The following MAPK8IP3 variants were observed in gnomAD, a reference collection of about 807,000 sequenced individuals.
MAPK8IP3 encodes the protein mitogen-activated protein kinase 8 interacting protein 3.
Under a neutral mutation model 157.8 loss-of-function variants are expected in MAPK8IP3, and 49 were observed. The ratio of observed to expected loss-of-function variants is 0.31; its 90% confidence interval spans 0.25 to 0.39. MAPK8IP3 has a LOEUF of 0.39. Among genes scored for constraint, MAPK8IP3 ranks in the 10% least tolerant of loss-of-function variants. MAPK8IP3 has a pLI of 1.00. For missense variants in MAPK8IP3, 1,478 were observed against 1,889.4 expected, an observed-to-expected ratio of 0.78 and a Z score of 4.04; for synonymous variants, 897 against 777.7, an observed-to-expected ratio of 1.15 and a Z score of -2.55.
intron 8 of MAPK8IP3, among the ~76,000 whole-genome samples, chr16:1,752,734 G>A (rs2041363545): frequency 6.7e-6 from 1 of 148,642 alleles, no homozygotes; most frequent in African/African-American, 2.5e-5. Context: ...GGGTGACAGA[G>A]TGAGGCCCTG....
At chr16:1,729,031 G>T (rs2039107488) in intron 2 of MAPK8IP3, 107 bp from the exon 3 acceptor site, 5 of 1,085,766 alleles carry the variant, frequency 4.6e-6, no homozygotes, top group Non-Finnish European at 7.0e-6. Context: ...TCAGGACCCA[G>T]AGTCCCAGCC....
At chr16:1,721,543 G>A (rs1387842016) in intron 1 of MAPK8IP3, among the ~76,000 whole-genome samples, 1 of 152,048 alleles carries the variant, frequency 6.6e-6, no homozygotes, top group East Asian at 1.9e-4. Context: ...CTGCAGCACC[G>A]ACCTCCTGGG....
At chr16:1,767,501 T>C (rs1443821806) in intron 26 of MAPK8IP3, 63 bp from the exon 27 acceptor site, 5 of 1,557,614 alleles carry the variant, frequency 3.2e-6, no homozygotes, top group Non-Finnish European at 3.5e-6. Context: ...CTGTGGCAGG[T>C]TTGGGGCTCC....
Position 1,769,271 on chromosome 16 carries a change from TCACTCTGCCTAGGGGAGCTGGGCCAGG to T in MAPK8IP3, c.*452_*478del. The T allele has an allele frequency of 5.0e-6, 1 of 201,364 alleles. No homozygotes were observed. The highest frequency in any genetic ancestry group is 1.0e-5 in the Non-Finnish European group (1 of 97,052). The allele number at this position is 201,364 out of a possible 1,614,324, so 12.5% of individuals were successfully genotyped here. A position where few individuals can be genotyped will look rare whatever the true frequency, so the allele number is the denominator to read the frequency against. On this transcript the variant is annotated 3_prime_UTR_variant, in exon 32 of 32. Coordinates refer to ENST00000610761, the MANE Select transcript of MAPK8IP3 (RefSeq NM_001318852.2). ...TGGGGCCACCCTGCCTCCTGGGCCC[TCACTCTGCCTAGGGGAGCTGGGCCAGG>T]CACTAGCCTTTGCCCAGGGAGGTGG...
chr16:1,727,047 T>G (rs2038927039), intron 2 of MAPK8IP3, among the ~76,000 whole-genome samples: 9 of 150,510 alleles, frequency 6.0e-5, no homozygotes, highest in Admixed American at 6.0e-4. Context: ...TCATGTGCTG[T>G]GTGCTGTGTA....
rs879309112 is a variant in MAPK8IP3 at position 1,748,620 on chromosome 16, G to A, written c.1116G>A (p.Val372=). The change falls in exon 8 of 32, where the codon GTG becomes GTA. Residue 372 remains valine (V), a synonymous_variant. Transcript: ENST00000610761. The part of the protein sequence containing the change: ...RTGSSPTQGI[V]NKAFGINTDS... ...CCAACAGCCCAACCCAGGGCATCGT[G>A]AACAAAGCTTTCGGCATCAACACCG... The A allele has an allele frequency of 1.2e-6, 2 of 1,613,972 alleles. No individual in the cohort carries two copies. Among genetic ancestry groups the A allele is most frequent in the Non-Finnish European group, 1.7e-6 (2 of 1,180,010 alleles).
chr16:1,742,873 A>C lies in MAPK8IP3; in HGVS notation c.603-459A>C, dbSNP rs2040761194. Among the ~76,000 whole-genome samples, 1 of 152,146 alleles carries C rather than the reference A, an allele frequency of 6.6e-6. No homozygotes were observed. The highest frequency in any genetic ancestry group is 1.5e-5 in the Non-Finnish European group (1 of 68,030). On this transcript the variant is annotated intron_variant, in intron 4 of 31. Transcript: ENST00000610761. This position sits in a 1 kb window ranked among gnomAD's most constrained non-coding sequence, Gnocchi z 5.0. ...CGCGGTGGCTCACGCCTGTAATCCC[A>C]GCACTGTGGGAGGCCGAGGCAGGCG...
At position 1,768,980 on chromosome 16, in the gene MAPK8IP3, T is replaced by A; in HGVS notation, c.*156T>A. On this transcript the variant is annotated 3_prime_UTR_variant, in exon 32 of 32. Coordinates refer to ENST00000610761, the MANE Select transcript of MAPK8IP3 (RefSeq NM_001318852.2). ...TCTGGCCCCTCCAGCGGGCAGGGAG[T>A]GCGGGGATGCGGATCAGCTGGGAGG... 2 of 799,776 alleles carry A rather than the reference T, an allele frequency of 2.5e-6. No homozygotes were observed. Among genetic ancestry groups the A allele is most frequent in the African/African-American group, 1.7e-5 (1 of 57,848 alleles). The allele number at this position is 799,776 out of a possible 1,614,324, so 49.5% of individuals were successfully genotyped here.
intron 8 of MAPK8IP3, among the ~76,000 whole-genome samples, chr16:1,753,441 A>AT (rs778556396): frequency 0.015 from 2,125 of 141,660 alleles, 19 homozygotes; most frequent in South Asian, 0.032. Flanking sequence ...TTATTTATTT[A>AT]TTTATTTATT....
At chr16:1,738,782 A>T (rs1438743649) in intron 4 of MAPK8IP3, among the ~76,000 whole-genome samples, 1 of 101,496 alleles carries the variant, frequency 9.9e-6, no homozygotes, top group African/African-American at 3.8e-5. Flanking sequence ...TGAGCGTGTG[A>T]GCGTCCGTGT....
intron 8 of MAPK8IP3, among the ~76,000 whole-genome samples, chr16:1,754,584 C>T (rs1229390898): frequency 3.3e-5 from 5 of 152,008 alleles, no homozygotes; most frequent in South Asian, 2.1e-4. Context: ...CCACTCTGGC[C>T]GACGTGGTGA....
At chr16:1,763,815 G>T in intron 17 of MAPK8IP3, 32 bp downstream of exon 17, 2 of 1,145,700 alleles carry the variant, frequency 1.7e-6, no homozygotes, top group Non-Finnish European at 1.1e-6. Context: ...ACCGGGCGGG[G>T]CCCCGCAGAG....
In MAPK8IP3 at chr16:1,764,144, G is replaced by C. The variant is rs376949063; in HGVS notation, c.2055G>C (p.Thr685=). The change falls in exon 18 of 32, where the codon ACG becomes ACC. Residue 685 remains threonine (T), a synonymous_variant. Transcript: ENST00000610761. ...QLSPNGGQED[T]RMKNVPVPVY... is the part of the protein sequence containing the mutation. ...GTCCCAACGGGGGCCAGGAGGACAC[G>C]CGGATGAAGAACGTGCCGGTGCCGG... 125 of 1,611,342 alleles carry C rather than the reference G, an allele frequency of 7.8e-5. No homozygotes were observed. The African/African-American group carries it at 1.6e-3, about 21-fold the overall frequency.
intron 12 of MAPK8IP3, among the ~76,000 whole-genome samples, chr16:1,760,974 C>T (rs192501969): frequency 3.6e-4 from 55 of 152,308 alleles, no homozygotes; most frequent in African/African-American, 1.3e-3. Flanking sequence ...TCCGCATTCC[C>T]GGGCAGCCAG....
At chr16:1,738,825 C>CCGTCCGTGTGAG (rs1261954727) in intron 4 of MAPK8IP3, among the ~76,000 whole-genome samples, 1 of 126,552 alleles carries the variant, frequency 7.9e-6, no homozygotes, top group East Asian at 2.7e-4. Context: ...ATCTGTGTGA[C>CCGTCCGTGTGAG]CGTCCGTGTG....
Position 1,760,421 on chromosome 16 carries a change from T to C in MAPK8IP3, c.1346T>C (p.Val449Ala). ...GTGAAGAATGACCTGATTGCCAAGGTCGACCAGCTGTCCGGGGAGCAGGAG... is the reference window on the plus strand; with the variant it reads ...GTGAAGAATGACCTGATTGCCAAGGCCGACCAGCTGTCCGGGGAGCAGGAG... Reference protein sequence around the residue: ...NVVKNDLIAKVDQLSGEQEVL... With the variant: ...NVVKNDLIAKADQLSGEQEVL... Residue 449 changes from valine (V) to alanine (A), a missense_variant, in exon 12 of 32, where the codon GTC becomes GCC. Coordinates refer to ENST00000610761, the MANE Select transcript of MAPK8IP3 (RefSeq NM_001318852.2). 6.2e-7 allele frequency: 1 copy of C among 1,613,812 alleles called. No homozygotes were observed. Among genetic ancestry groups the C allele is most frequent in the Non-Finnish European group, 8.5e-7 (1 of 1,179,834 alleles).
In MAPK8IP3 at chr16:1,706,492, G is replaced by C; in HGVS notation, c.153G>C (p.Val51=). 1 of 1,614,102 alleles carries C rather than the reference G, an allele frequency of 6.2e-7. No individual in the cohort carries two copies. ...ERLIHCYDEE[V]VKELMPLVVN... ...TCATCCACTGCTACGACGAGGAGGT[G>C]GTCAAGGAGCTCATGCCGCTGGTGG... Residue 51 remains valine, a synonymous_variant, in exon 1 of 32, where the codon GTG becomes GTC. Transcript: ENST00000610761. This position sits in a 1 kb window ranked among gnomAD's most constrained non-coding sequence, Gnocchi z 5.1.
intron 11 of MAPK8IP3, 122 bp from the exon 12 acceptor site, chr16:1,760,258 C>T: frequency 7.6e-7 from 1 of 1,317,118 alleles, no homozygotes; most frequent in Non-Finnish European, 1.0e-6. Context: ...GTCTCCCATT[C>T]AGCCACCTTC....
At position 1,729,172 on chromosome 16, in the gene MAPK8IP3, G is replaced by A. The variant is rs765090182; in HGVS notation, c.474G>A (p.Lys158=). The change falls in exon 3 of 32, where the codon AAG becomes AAA. Residue 158 remains lysine (K), a synonymous_variant. Coordinates refer to ENST00000610761, the MANE Select transcript of MAPK8IP3 (RefSeq NM_001318852.2). ...SRLEERESEM[K]KEYNALHQRH... Reference sequence around the variant, plus strand: ...TGGAGGAGCGGGAGTCGGAGATGAAGAAGGAGTACAATGCCCTGCACCAGC... The same window carrying A: ...TGGAGGAGCGGGAGTCGGAGATGAAAAAGGAGTACAATGCCCTGCACCAGC... 3.1e-6 allele frequency: 5 copies of A among 1,614,098 alleles called. No homozygotes were observed. Among genetic ancestry groups the A allele is most frequent in the Admixed American group, 1.7e-5 (1 of 60,036 alleles).
Sources: allele counts gnomAD v4.1 joint callset (sites outside exome capture counted in the v4.1 genomes callset), GRCh38; gene constraint gnomAD v4.1.1; non-coding constraint Gnocchi (gnomAD v3.1); transcripts MANE v1.5; gene names NCBI Gene and HGNC (gene_info 2026-07-23, HGNC 2026-07-21).